PTPRN2: variants seen among roughly 807,000 people sequenced by gnomAD.
PTPRN2 encodes the protein protein tyrosine phosphatase receptor type N2.
Under a neutral mutation model 118.8 loss-of-function variants are expected in PTPRN2, and 74 were observed. The ratio of observed to expected loss-of-function variants is 0.62; its 90% CI spans 0.52 to 0.76. PTPRN2 has a LOEUF of 0.76. Among genes scored for constraint, PTPRN2 ranks in the 30% least tolerant of loss-of-function variants. The pLI is 0.00. For synonymous variants in PTPRN2, 641 were observed against 608.0 expected, an observed-to-expected ratio of 1.05 and a Z score of -0.80; for missense variants, 1,481 against 1,394.4, an observed-to-expected ratio of 1.06 and a Z score of -0.99.
intron 2 of PTPRN2, among the ~76,000 whole-genome samples, chr7:158,408,380 G>A (rs1476114227): frequency 6.6e-6 from 1 of 152,222 alleles, no homozygotes; most frequent in Non-Finnish European, 1.5e-5. Context: ...GCAGATTACA[G>A]TAGCTTTCTC....
rs570698464 is a variant in PTPRN2, at chr7:157,763,257, A to G, written c.1789-80320T>C. Among the ~76,000 whole-genome samples, 2 of 152,344 alleles carry G rather than the reference A, an allele frequency of 1.3e-5. No homozygotes were observed. Among genetic ancestry groups the G allele is most frequent in the African/African-American group, 4.8e-5 (2 of 41,576 alleles). ...CAGTCCAACTCAAATTTCCAGCCAC[A>G]TACACCATGACCTCTGGCGTGATGT... On this transcript the variant is annotated intron_variant, in intron 12 of 22. Transcript: ENST00000389418. This position sits in a 1 kb window ranked among gnomAD's most constrained non-coding sequence, Gnocchi z 4.9.
intron 11 of PTPRN2, among the ~76,000 whole-genome samples, chr7:158,010,185 G>C (rs1292038732): frequency 6.6e-6 from 1 of 152,156 alleles, no homozygotes; most frequent in African/African-American, 2.4e-5. Flanking sequence ...CTCAACACGG[G>C]AGGACGGAGT....
chr7:158,216,706 AATC>A (rs1827983914), intron 3 of PTPRN2, among the ~76,000 whole-genome samples: 1 of 152,176 alleles, frequency 6.6e-6, no homozygotes, highest in African/African-American at 2.4e-5. Flanking sequence ...CTAAACAAAA[AATC>A]AACAAAGATA....
At chr7:157,992,885 C>T (rs1804354491) in intron 11 of PTPRN2, among the ~76,000 whole-genome samples, 1 of 152,274 alleles carries the variant, frequency 6.6e-6, no homozygotes, top group Non-Finnish European at 1.5e-5. Context: ...CAGTTTTGCC[C>T]ACGCAGGCCC....
intron 1 of PTPRN2, among the ~76,000 whole-genome samples, chr7:158,571,032 C>T (rs1437332510): frequency 6.6e-6 from 1 of 152,270 alleles, no homozygotes; most frequent in African/African-American, 2.4e-5. Context: ...CCGGACACTC[C>T]ACCTAGTCCC....
Position 157,964,565 on chromosome 7 carries a change from C to A in PTPRN2, c.1724-65828G>T, listed in dbSNP as rs1184215535. 6.6e-6 allele frequency among the ~76,000 whole-genome samples: 1 copy of A among 152,186 alleles called. No homozygotes were observed. The highest frequency in any genetic ancestry group is 2.4e-5 in the African/African-American group (1 of 41,448). On this transcript the variant is annotated intron_variant, in intron 11 of 22. Coordinates refer to ENST00000389418, the MANE Select transcript of PTPRN2 (RefSeq NM_002847.5). This position sits in a 1 kb window ranked among gnomAD's most constrained non-coding sequence, Gnocchi z 9.0. The stretch of plus-strand genomic sequence containing the variant: ...TTTGGTCAAAACAGTTCATCCACAA[C>A]CCCGTGCAGGCCACAACACAGGAGC...
At chr7:158,440,749 A>G (rs1400880738) in intron 2 of PTPRN2, among the ~76,000 whole-genome samples, 1 of 131,220 alleles carries the variant, frequency 7.6e-6, no homozygotes, top group Non-Finnish European at 1.6e-5. Context: ...AGTGGTGGTG[A>G]CAGTGGTGGT....
chr7:157,882,917 AC>A (rs1328709358), intron 12 of PTPRN2, among the ~76,000 whole-genome samples: 3 of 149,392 alleles, frequency 2.0e-5, no homozygotes, highest in Admixed American at 2.0e-4. Context: ...ATCAGAACAT[AC>A]CACCCCAAAA....
intron 12 of PTPRN2, among the ~76,000 whole-genome samples, chr7:157,773,193 C>G (rs1802991896): frequency 6.6e-6 from 1 of 152,210 alleles, no homozygotes; most frequent in Non-Finnish European, 1.5e-5. Flanking sequence ...GGTCCTCCAC[C>G]TCCGCTTTTC....
intron 11 of PTPRN2, among the ~76,000 whole-genome samples, chr7:158,026,136 G>C (rs1373118907): frequency 1.3e-5 from 2 of 152,252 alleles, no homozygotes; most frequent in Non-Finnish European, 2.9e-5. Flanking sequence ...CGGAGGGAAG[G>C]AGCTCGGTGA....
chr7:157,990,553 G>A lies in PTPRN2; in HGVS notation c.1723+90745C>T, dbSNP rs1007244790. Among the ~76,000 whole-genome samples, 7 of 152,178 alleles carry A rather than the reference G, an allele frequency of 4.6e-5. No homozygotes were observed. Among genetic ancestry groups the A allele is most frequent in the African/African-American group, 7.2e-5 (3 of 41,450 alleles). On this transcript the variant is annotated intron_variant, in intron 11 of 22. Coordinates refer to ENST00000389418, the MANE Select transcript of PTPRN2 (RefSeq NM_002847.5). The surrounding 1 kb of genome is among the most constrained non-coding windows in gnomAD (Gnocchi z 4.3). ...CACCTCTGGCAAGTTCTGGGCAGGG[G>A]GAGAGCGACACAAGGCAAGGGAGGA...
At chr7:157,983,679 C>A (rs1803491463) in intron 11 of PTPRN2, among the ~76,000 whole-genome samples, 1 of 152,178 alleles carries the variant, frequency 6.6e-6, no homozygotes, top group African/African-American at 2.4e-5. Flanking sequence ...TGTGTGTGCA[C>A]ACGTGAGCTT....
intron 22 of PTPRN2, among the ~76,000 whole-genome samples, chr7:157,541,582 T>A (rs1454492690): frequency 6.6e-6 from 1 of 152,242 alleles, no homozygotes; most frequent in African/African-American, 2.4e-5. Context: ...CTCTTCAGTT[T>A]CCACCTCAAA....
chr7:157,694,754 G>C (rs1472089032), intron 12 of PTPRN2, among the ~76,000 whole-genome samples: 1 of 150,646 alleles, frequency 6.6e-6, no homozygotes, highest in East Asian at 1.9e-4. Context: ...ATGATGTGAG[G>C]ATTTTTTCTT....
chr7:157,842,512 T>A (rs569087198), intron 12 of PTPRN2, among the ~76,000 whole-genome samples: 56 of 150,942 alleles, frequency 3.7e-4, no homozygotes, highest in African/African-American at 1.3e-3. Flanking sequence ...CCTCCCGTAT[T>A]CAAGTGATTC....
At chr7:158,558,738 GGATACATCAGT>G (rs1395706206) in intron 1 of PTPRN2, among the ~76,000 whole-genome samples, 1 of 143,978 alleles carries the variant, frequency 6.9e-6, no homozygotes, top group Non-Finnish European at 1.5e-5. Flanking sequence ...TGCACCTTCT[GGATACATCAGT>G]GCTAGACTAA....
At chr7:158,545,861 C>T (rs181732465) in intron 1 of PTPRN2, among the ~76,000 whole-genome samples, 3 of 152,146 alleles carry the variant, frequency 2.0e-5, no homozygotes, top group Admixed American at 6.6e-5. Flanking sequence ...TAGCTGGGTG[C>T]GGTGGCACGC....
At chr7:157,715,171 C>G (rs973300282) in intron 12 of PTPRN2, among the ~76,000 whole-genome samples, 2 of 152,168 alleles carry the variant, frequency 1.3e-5, no homozygotes, top group Non-Finnish European at 2.9e-5. Context: ...GAAAAGCACC[C>G]CCTGCAGGGT....
At chr7:158,310,334 G>A (rs539199625) in intron 3 of PTPRN2, among the ~76,000 whole-genome samples, 5 of 152,206 alleles carry the variant, frequency 3.3e-5, no homozygotes, top group African/African-American at 1.2e-4. Context: ...AGAACAGCTC[G>A]GCCATCATGA....
Sources: gnomAD v4.1 joint callset for allele counts (sites outside exome capture counted in the v4.1 genomes callset) on GRCh38, gnomAD v4.1.1 for gene constraint, Gnocchi (gnomAD v3.1) non-coding constraint, MANE v1.5 for transcripts, NCBI Gene and HGNC (gene_info 2026-07-23, HGNC 2026-07-21) for gene names.